The following PCSK6 variants were observed in gnomAD, a reference collection of about 807,000 sequenced individuals.
The protein encoded by PCSK6 is paired basic amino acid cleaving enzyme 4.
Under a neutral mutation model 123.3 loss-of-function variants are expected in PCSK6, and 85 were observed. That is an observed-to-expected ratio of 0.69 (90% CI 0.58 to 0.83). PCSK6 has a LOEUF of 0.83. PCSK6 is among the 40% of genes least tolerant of loss of function. The probability of loss-of-function intolerance (pLI) is 0.00; values close to 1 mark genes in which losing one functional copy is unlikely to be tolerated. For missense variants in PCSK6, 1,191 were observed against 1,282.3 expected (o/e 0.93, Z 1.09); for synonymous variants, 508 against 516.0 (o/e 0.98, Z 0.21).
At chr15:101,414,881 G>C (rs2055832357) in intron 6 of PCSK6, among the ~76,000 whole-genome samples, 1 of 152,142 alleles carries the variant, frequency 6.6e-6, no homozygotes, top group South Asian at 2.1e-4. Flanking sequence ...CTTCAATTGT[G>C]TTAAAATATA....
At chr15:101,417,428 T>C (rs4965857) in intron 6 of PCSK6, among the ~76,000 whole-genome samples, 47,474 of 152,108 alleles carry the variant, frequency 0.31, 8,032 homozygotes, top group African/African-American at 0.45. Context: ...GCAGAAAATA[T>C]ACAGAACATT....
At chr15:101,368,440 G>A (rs1452182709) in intron 12 of PCSK6, among the ~76,000 whole-genome samples, 2 of 152,230 alleles carry the variant, frequency 1.3e-5, no homozygotes, top group African/African-American at 4.8e-5. Context: ...AAGTGAAGTG[G>A]CATTTTCAGA....
chr15:101,391,977 C>T (rs532353545), intron 8 of PCSK6, among the ~76,000 whole-genome samples: 50 of 152,352 alleles, frequency 3.3e-4, no homozygotes, highest in African/African-American at 1.1e-3. Flanking sequence ...GCATGGCATA[C>T]AGATCACACG....
chr15:101,413,803 C>G (rs1171108873), intron 6 of PCSK6, among the ~76,000 whole-genome samples: 6 of 151,850 alleles, frequency 4.0e-5, no homozygotes, highest in Admixed American at 3.9e-4. Flanking sequence ...ACAGGTACCT[C>G]TTAAATATGT....
chr15:101,437,380 A>C (rs557087013), intron 2 of PCSK6, among the ~76,000 whole-genome samples: 2 of 152,324 alleles, frequency 1.3e-5, no homozygotes, highest in East Asian at 3.9e-4. Flanking sequence ...CATGGCAAAC[A>C]CACAGCGGGA....
chr15:101,431,237 A>G (rs2056436469), intron 4 of PCSK6, 83 bp downstream of exon 4: 2 of 1,425,896 alleles, frequency 1.4e-6, no homozygotes, highest in Admixed American at 1.7e-5. Context: ...GGAGATCGGG[A>G]CCTTACTGTT....
intron 1 of PCSK6, among the ~76,000 whole-genome samples, chr15:101,481,186 A>G (rs1430432901): frequency 6.6e-6 from 1 of 152,228 alleles, no homozygotes; most frequent in Non-Finnish European, 1.5e-5. Flanking sequence ...CAGGCAAGCC[A>G]GCAGGCAACG....
At chr15:101,354,386 C>T (rs544263406) in intron 13 of PCSK6, among the ~76,000 whole-genome samples, 13 of 152,252 alleles carry the variant, frequency 8.5e-5, no homozygotes, top group Non-Finnish European at 1.8e-4. Flanking sequence ...CTCCCATACA[C>T]ACGTCCAGTA....
chr15:101,366,219 T>C lies in PCSK6; in HGVS notation c.1835A>G (p.Gln612Arg). The C allele has an allele frequency of 6.2e-7, 1 of 1,612,942 alleles. No individual in the cohort carries two copies. The highest frequency in any genetic ancestry group is 8.5e-7 in the Non-Finnish European group (1 of 1,179,386). The change falls in exon 13 of 22, where the codon CAG (glutamine) becomes CGG (arginine). Residue 612 changes from glutamine (Q) to arginine (R), a missense_variant. By Grantham distance (43) the Gln-to-Arg change is conservative. Coordinates refer to ENST00000611716, the MANE Select transcript of PCSK6 (RefSeq NM_002570.5). Reference sequence around the variant, plus strand: ...ACCTTGCTTCTCCGGGTTGCGGACCTGGGATGGCAGATCTTGGATTTCCAA... The same window carrying C: ...ACCTTGCTTCTCCGGGTTGCGGACCCGGGATGGCAGATCTTGGATTTCCAA... ...WTLEIQDLPS[Q>R]VRNPEKQGKL...
intron 1 of PCSK6, among the ~76,000 whole-genome samples, chr15:101,446,881 G>A (rs141460457): frequency 1.8e-4 from 28 of 152,272 alleles, no homozygotes; most frequent in African/African-American, 6.3e-4. Flanking sequence ...GATGCTCCAA[G>A]AGGCCCCGTC....
chr15:101,391,053 G>A (rs2042220785), intron 8 of PCSK6, among the ~76,000 whole-genome samples: 7 of 152,134 alleles, frequency 4.6e-5, no homozygotes, highest in Admixed American at 4.6e-4. Context: ...AGGGAAGGTG[G>A]GGGTCTGGTC....
At chr15:101,363,738 T>C (rs565258638) in intron 13 of PCSK6, among the ~76,000 whole-genome samples, 1 of 152,008 alleles carries the variant, frequency 6.6e-6, no homozygotes, top group East Asian at 1.9e-4. Context: ...CAAGCCATTC[T>C]CCTGCCTCAG....
intron 13 of PCSK6, among the ~76,000 whole-genome samples, chr15:101,351,429 C>T (rs1048031885): frequency 6.6e-6 from 1 of 152,170 alleles, no homozygotes; most frequent in Non-Finnish European, 1.5e-5. Flanking sequence ...GAAGTTCTGA[C>T]ATATGTCTTT....
intron 1 of PCSK6, among the ~76,000 whole-genome samples, chr15:101,477,643 C>T (rs1010686405): frequency 6.6e-6 from 1 of 152,112 alleles, no homozygotes; most frequent in African/African-American, 2.4e-5. Flanking sequence ...ATTCTGTATC[C>T]ACATATCCTT....
intron 13 of PCSK6, among the ~76,000 whole-genome samples, chr15:101,352,073 G>A (rs1027917962): frequency 2.0e-5 from 3 of 150,046 alleles, no homozygotes; most frequent in Non-Finnish European, 3.0e-5. Context: ...GGGCTAGACA[G>A]AAGTGAAAAG....
In PCSK6 at chr15:101,370,472, G is replaced by A. The variant is rs1281108201; in HGVS notation, c.1584C>T (p.Cys528=). 4.5e-6 allele frequency: 7 copies of A among 1,547,852 alleles called. No homozygotes were observed. Among genetic ancestry groups the A allele is most frequent in the African/African-American group, 1.4e-5 (1 of 72,944 alleles). The change falls in exon 12 of 22, where the codon TGC becomes TGT. Residue 528 remains cysteine, a synonymous_variant. Coordinates refer to ENST00000611716, the MANE Select transcript of PCSK6 (RefSeq NM_002570.5). ...VLRTTALTSA[C]AEHSDQRVVY... ...CCACCCGCTGGTCCGAGTGCTCCGC[G>A]CAGGCGCTGGTCAGGGCCGTAGTCC...
chr15:101,431,257 G>C, intron 4 of PCSK6, 63 bp downstream of exon 4: 1 of 1,563,028 alleles, frequency 6.4e-7, no homozygotes, highest in Non-Finnish European at 8.8e-7. Context: ...TTTTAAACTT[G>C]CATTTACTTA....
intron 1 of PCSK6, among the ~76,000 whole-genome samples, chr15:101,456,997 C>A (rs936052543): frequency 8.5e-5 from 13 of 152,170 alleles, no homozygotes; most frequent in African/African-American, 3.1e-4. Flanking sequence ...CATGGTGAAA[C>A]CCCGTCTCTA....
At chr15:101,422,467 A>C (rs2056112422) in intron 6 of PCSK6, among the ~76,000 whole-genome samples, 1 of 152,202 alleles carries the variant, frequency 6.6e-6, no homozygotes, top group African/African-American at 2.4e-5. Flanking sequence ...CTTTCCACTG[A>C]AATACCAAAA....
Sources: allele counts gnomAD v4.1 joint callset (sites outside exome capture counted in the v4.1 genomes callset), GRCh38; gene constraint gnomAD v4.1.1; transcripts MANE v1.5; gene names NCBI Gene and HGNC (gene_info 2026-07-23, HGNC 2026-07-21).